Variants in ZNF704 observed in about 807,000 individuals in gnomAD.
The protein encoded by ZNF704 is glucocorticoid induced gene 1.
Under a neutral mutation model 44.7 loss-of-function variants are expected in ZNF704, and 10 were observed. The observed-to-expected ratio is 0.22, with a 90% CI of 0.14 to 0.38. The LOEUF (loss-of-function observed/expected upper bound fraction) is 0.38, where lower values mean the gene tolerates loss of function less well. Ranked by LOEUF, ZNF704 falls within the 10% of genes least tolerant of loss-of-function variation. The probability of loss-of-function intolerance (pLI) is 1.00; values close to 1 mark genes in which losing one functional copy is unlikely to be tolerated. For synonymous variants in ZNF704, 211 were observed against 207.6 expected (o/e 1.02, Z -0.14); for missense variants, 390 against 545.5 (o/e 0.71, Z 2.84).
intron 1 of ZNF704, among the ~76,000 whole-genome samples, chr8:80,825,935 A>G (rs973724376): frequency 3.3e-5 from 5 of 152,222 alleles, no homozygotes; most frequent in African/African-American, 9.7e-5. Context: ...CAGTGTCTGG[A>G]GGGAAATTTA....
At chr8:80,661,178 T>C (rs528280779) in intron 6 of ZNF704, among the ~76,000 whole-genome samples, 118 of 152,076 alleles carry the variant, frequency 7.8e-4, no homozygotes, top group Non-Finnish European at 1.4e-3. Context: ...AAATGACCAA[T>C]AGGTACATGA....
chr8:80,844,114 T>G (rs1480857289), intron 1 of ZNF704, among the ~76,000 whole-genome samples: 2 of 151,960 alleles, frequency 1.3e-5, no homozygotes, highest in East Asian at 3.9e-4. Flanking sequence ...CCTCAACAAG[T>G]GCTCTGATAG....
At chr8:80,739,634 A>G (rs1453643927) in intron 2 of ZNF704, among the ~76,000 whole-genome samples, 2 of 152,186 alleles carry the variant, frequency 1.3e-5, no homozygotes, top group Non-Finnish European at 2.9e-5. Context: ...CTATGTCTAT[A>G]GTTAGGAGAT....
intron 4 of ZNF704, among the ~76,000 whole-genome samples, chr8:80,684,183 T>C (rs1228235233): frequency 6.6e-6 from 1 of 152,230 alleles, no homozygotes; most frequent in East Asian, 1.9e-4. Context: ...TGTGAATCTT[T>C]TGATTTCCAA....
At chr8:80,708,300 G>A (rs757314309) in intron 2 of ZNF704, among the ~76,000 whole-genome samples, 2 of 152,204 alleles carry the variant, frequency 1.3e-5, no homozygotes, top group Non-Finnish European at 2.9e-5. Context: ...AGAAGAATCT[G>A]ATACAGCCAG....
intron 1 of ZNF704, among the ~76,000 whole-genome samples, chr8:80,830,797 A>C (rs1808459570): frequency 1.4e-5 from 2 of 138,010 alleles, no homozygotes; most frequent in South Asian, 4.4e-4. Flanking sequence ...TCGCTCTGTC[A>C]ACCAGGCTGG....
intron 2 of ZNF704, among the ~76,000 whole-genome samples, chr8:80,803,240 T>C (rs926366971): frequency 3.3e-5 from 5 of 152,236 alleles, no homozygotes; most frequent in Non-Finnish European, 7.3e-5. Flanking sequence ...AGAATCCGTA[T>C]CATTAAAATG....
chr8:80,837,817 C>T (rs1808607135), intron 1 of ZNF704, among the ~76,000 whole-genome samples: 2 of 152,146 alleles, frequency 1.3e-5, no homozygotes, highest in Non-Finnish European at 2.9e-5. Flanking sequence ...ATGGTCTGCC[C>T]ATTCTAATAG....
intron 2 of ZNF704, among the ~76,000 whole-genome samples, chr8:80,785,945 C>T (rs1055555078): frequency 2.6e-5 from 4 of 152,114 alleles, no homozygotes; most frequent in South Asian, 2.1e-4. Flanking sequence ...CATATATACA[C>T]GTATCTATAA....
chr8:80,774,924 A>G (rs949558399), intron 2 of ZNF704, among the ~76,000 whole-genome samples: 1 of 152,212 alleles, frequency 6.6e-6, no homozygotes, highest in Non-Finnish European at 1.5e-5. Flanking sequence ...ATGAAAACCC[A>G]TGAAACTTAC....
At chr8:80,710,614 G>A (rs540275530) in intron 2 of ZNF704, among the ~76,000 whole-genome samples, 6 of 152,294 alleles carry the variant, frequency 3.9e-5, no homozygotes, top group African/African-American at 9.6e-5. Context: ...CCCCAGGATA[G>A]CATTTGTGTC....
intron 2 of ZNF704, among the ~76,000 whole-genome samples, chr8:80,764,292 A>G (rs868003454): frequency 6.6e-6 from 1 of 152,212 alleles, no homozygotes; most frequent in African/African-American, 2.4e-5. Flanking sequence ...ACAGTTCCAC[A>G]TGGCTGAGGA....
intron 2 of ZNF704, among the ~76,000 whole-genome samples, chr8:80,767,549 A>G (rs886842296): frequency 7.9e-5 from 12 of 152,228 alleles, no homozygotes; most frequent in Admixed American, 2.6e-4. Flanking sequence ...TGCATGTTGA[A>G]GAAAATATAG....
chr8:80,728,924 C>G (rs1806529290), intron 2 of ZNF704, among the ~76,000 whole-genome samples: 1 of 152,148 alleles, frequency 6.6e-6, no homozygotes, highest in Admixed American at 6.5e-5. Context: ...CCAGAGAGCT[C>G]AGCAGTAGGA....
At chr8:80,770,327 G>C (rs1200362894) in intron 2 of ZNF704, among the ~76,000 whole-genome samples, 1 of 152,132 alleles carries the variant, frequency 6.6e-6, no homozygotes, top group African/African-American at 2.4e-5. Context: ...CTTACCTTCT[G>C]TCTCCATCCC....
At chr8:80,839,178 C>A (rs890367315) in intron 1 of ZNF704, among the ~76,000 whole-genome samples, 1 of 152,210 alleles carries the variant, frequency 6.6e-6, no homozygotes, top group Non-Finnish European at 1.5e-5. Flanking sequence ...TAACCTAACG[C>A]CTCTAATTCC....
At chr8:80,689,260 T>G (rs1371069602) in intron 3 of ZNF704, among the ~76,000 whole-genome samples, 5 of 152,206 alleles carry the variant, frequency 3.3e-5, no homozygotes, top group Non-Finnish European at 7.3e-5. Context: ...CTTTACCTAT[T>G]TATGGATTTC....
At chr8:80,801,077 A>G (rs1319683220) in intron 2 of ZNF704, among the ~76,000 whole-genome samples, 1 of 152,210 alleles carries the variant, frequency 6.6e-6, no homozygotes, top group Non-Finnish European at 1.5e-5. Context: ...GGCATTCCAT[A>G]ATGGTAATGG....
At chr8:80,823,449 C>A (rs189767729) in intron 1 of ZNF704, among the ~76,000 whole-genome samples, 2 of 152,338 alleles carry the variant, frequency 1.3e-5, no homozygotes, top group East Asian at 3.9e-4. Flanking sequence ...GAGCCCACTG[C>A]AGCTCAAGGA....
Sources: allele counts gnomAD v4.1 joint callset (sites outside exome capture counted in the v4.1 genomes callset), GRCh38; gene constraint gnomAD v4.1.1; transcripts MANE v1.5; gene names NCBI Gene and HGNC (gene_info 2026-07-23, HGNC 2026-07-21).